The following BEND7 variants were observed in gnomAD, a reference collection of about 807,000 sequenced individuals.
The protein encoded by BEND7 is BEN domain containing 7, also known as BEN domain-containing protein 7.
BEND7 carries 28 observed loss-of-function variants against 50.9 expected under a neutral mutation model. That is an observed-to-expected ratio of 0.55 (90% CI 0.41 to 0.75). The LOEUF is 0.75. Ranked by LOEUF, BEND7 falls within the 30% of genes least tolerant of loss-of-function variation. The probability of loss-of-function intolerance (pLI) is 0.00; values close to 1 mark genes in which losing one functional copy is unlikely to be tolerated. For missense variants in BEND7, 477 were observed against 491.3 expected (o/e 0.97, Z 0.28); for synonymous variants, 170 against 183.9 (o/e 0.92, Z 0.61).
At chr10:13,447,605 G>A (rs1836678824) in intron 7 of BEND7, among the ~76,000 whole-genome samples, 3 of 140,454 alleles carry the variant, frequency 2.1e-5, no homozygotes, top group Non-Finnish European at 3.0e-5. Context: ...GTGCAGTGGC[G>A]CGATCTCGGC....
At chr10:13,507,381 C>T (rs2077973984) in intron 2 of BEND7, among the ~76,000 whole-genome samples, 1 of 152,148 alleles carries the variant, frequency 6.6e-6, no homozygotes, top group Non-Finnish European at 1.5e-5. Context: ...GCAGAATGGA[C>T]ACAGGGCGTC....
intron 2 of BEND7, among the ~76,000 whole-genome samples, chr10:13,517,693 A>C (rs1341001432): frequency 6.6e-6 from 1 of 152,180 alleles, no homozygotes; most frequent in Non-Finnish European, 1.5e-5. Context: ...TTAGTAAGCT[A>C]TGATCACACC....
chr10:13,458,608 T>G (rs1839544584), intron 6 of BEND7, among the ~76,000 whole-genome samples: 1 of 152,198 alleles, frequency 6.6e-6, no homozygotes, highest in African/African-American at 2.4e-5. Context: ...AAATCAAGGT[T>G]TACATCATGC....
intron 5 of BEND7, among the ~76,000 whole-genome samples, chr10:13,490,236 C>T (rs981108774): frequency 2.6e-5 from 4 of 152,326 alleles, no homozygotes; most frequent in African/African-American, 9.6e-5. Flanking sequence ...TTTACAAAAG[C>T]GATAAAGCAT....
chr10:13,455,806 T>TC (rs1838835837), intron 6 of BEND7, among the ~76,000 whole-genome samples: 2 of 151,998 alleles, frequency 1.3e-5, no homozygotes, highest in African/African-American at 4.8e-5. Flanking sequence ...CTCAGTGAGC[T>TC]CAGGGGTGAG....
intron 2 of BEND7, among the ~76,000 whole-genome samples, chr10:13,504,970 A>C (rs1478506782): frequency 1.3e-5 from 2 of 152,218 alleles, no homozygotes; most frequent in Admixed American, 1.3e-4. Flanking sequence ...GTCAACACAC[A>C]AGGTTGCCCT....
At chr10:13,510,726 GAAAT>G (rs1364915082) in intron 2 of BEND7, among the ~76,000 whole-genome samples, 11 of 152,166 alleles carry the variant, frequency 7.2e-5, no homozygotes, top group African/African-American at 2.7e-4. Context: ...CAATATGGAT[GAAAT>G]AAATAAAGAT....
At position 13,441,620 on chromosome 10, in the gene BEND7, C is replaced by T. The variant is rs11557153; in HGVS notation, c.*123G>A. On this transcript the variant is annotated 3_prime_UTR_variant, in exon 9 of 9. Coordinates refer to ENST00000466271, the MANE Select transcript of BEND7 (RefSeq NM_001369863.1). ...GCAACATACTCATCCTATTTTAACA[C>T]GGCGAAAGGTCACCAATTAATCTTC... The T allele has an allele frequency of 5.9e-4, 926 of 1,557,674 alleles. 6 individuals are homozygous for T. In the African/African-American group the frequency reaches 0.01, roughly 17 times the overall value.
chr10:13,524,806 C>T (rs2079335936), intron 2 of BEND7, among the ~76,000 whole-genome samples: 1 of 152,164 alleles, frequency 6.6e-6, no homozygotes, highest in African/African-American at 2.4e-5. Flanking sequence ...GGGAGCAGTG[C>T]TGGCCCCAGT....
At chr10:13,486,662 A>C (rs2076246677) in intron 5 of BEND7, among the ~76,000 whole-genome samples, 1 of 152,266 alleles carries the variant, frequency 6.6e-6, no homozygotes, top group African/African-American at 2.4e-5. Context: ...CCAACAGCCA[A>C]TTCTTTATAG....
At chr10:13,476,437 C>A (rs909300111) in intron 6 of BEND7, among the ~76,000 whole-genome samples, 1 of 152,186 alleles carries the variant, frequency 6.6e-6, no homozygotes. Context: ...CTTCACTTGA[C>A]GTGCCTATGT....
intron 4 of BEND7, among the ~76,000 whole-genome samples, chr10:13,494,323 A>G (rs2076884101): frequency 6.6e-6 from 1 of 152,228 alleles, no homozygotes. Flanking sequence ...AGGCTGAGGC[A>G]GGAGAATCAC....
intron 6 of BEND7, among the ~76,000 whole-genome samples, chr10:13,457,824 T>G (rs1010623122): frequency 6.6e-6 from 1 of 152,230 alleles, no homozygotes; most frequent in Non-Finnish European, 1.5e-5. Flanking sequence ...AAAAGAGGTA[T>G]TGCATTAATG....
chr10:13,499,747 G>A, intron 3 of BEND7, 31 bp downstream of exon 3: 1 of 1,568,560 alleles, frequency 6.4e-7, no homozygotes, highest in Non-Finnish European at 8.7e-7. Flanking sequence ...ACCCCCATGA[G>A]AGCCTTCTGA....
intron 2 of BEND7, among the ~76,000 whole-genome samples, chr10:13,512,924 G>C (rs1287512561): frequency 4.6e-5 from 7 of 152,128 alleles, no homozygotes; most frequent in Admixed American, 4.6e-4. Flanking sequence ...GAAATCTCTG[G>C]GGCTAAGGCA....
intron 6 of BEND7, among the ~76,000 whole-genome samples, chr10:13,470,757 A>G (rs777035696): frequency 6.6e-6 from 1 of 152,196 alleles, no homozygotes; most frequent in Non-Finnish European, 1.5e-5. Context: ...GGGCCGAGGT[A>G]GCTTTCAGAA....
At chr10:13,481,186 A>G (rs1007950046) in intron 5 of BEND7, 62 bp from the exon 6 acceptor site, 107 of 1,499,118 alleles carry the variant, frequency 7.1e-5, no homozygotes, top group African/African-American at 3.8e-4. Flanking sequence ...CTTTGGGTAC[A>G]TGAGCAACAA....
chr10:13,509,951 A>C (rs2078162998), intron 2 of BEND7, among the ~76,000 whole-genome samples: 1 of 152,216 alleles, frequency 6.6e-6, no homozygotes, highest in Non-Finnish European at 1.5e-5. Flanking sequence ...ATGCTCTTAC[A>C]TTGTGGAAAG....
downstream of BEND7, chr10:13,439,142 TAC>T (rs1334781324): frequency 5.2e-6 from 8 of 1,531,440 alleles, no homozygotes; most frequent in Non-Finnish European, 6.2e-6. Context: ...AGATGGGTGA[TAC>T]ACACACACAT....
Sources: gnomAD v4.1 joint callset for allele counts (sites outside exome capture counted in the v4.1 genomes callset) on GRCh38, gnomAD v4.1.1 for gene constraint, MANE v1.5 for transcripts, NCBI Gene and HGNC (gene_info 2026-07-23, HGNC 2026-07-21) for gene names.